The following GIGYF2 variants were observed in gnomAD, a reference collection of about 807,000 sequenced individuals.
The protein encoded by GIGYF2 is GRB10-interacting GYF protein 2.
Under a neutral mutation model 208.1 loss-of-function variants are expected in GIGYF2, and 25 were observed. The ratio of observed to expected loss-of-function variants is 0.12; its 90% CI spans 0.09 to 0.17. The LOEUF (loss-of-function observed/expected upper bound fraction) is 0.17, where lower values mean the gene tolerates loss of function less well. Among genes scored for constraint, GIGYF2 ranks in the 10% least tolerant of loss-of-function variants. The pLI, the probability that GIGYF2 is intolerant of heterozygous loss-of-function variation, is 1.00. For synonymous variants in GIGYF2, 534 were observed against 543.8 expected (o/e 0.98, Z 0.25); for missense variants, 1,302 against 1,579.4 (o/e 0.82, Z 2.98).
At chr2:232,723,974 T>TA (rs1697068910) in intron 2 of GIGYF2, among the ~76,000 whole-genome samples, 3 of 150,972 alleles carry the variant, frequency 2.0e-5, no homozygotes, top group Middle Eastern at 6.8e-3. Flanking sequence ...CCTCAGGTGA[T>TA]ACGCCTGCCT....
chr2:232,783,670 A>C (rs1348365027), intron 8 of GIGYF2, among the ~76,000 whole-genome samples: 2 of 146,220 alleles, frequency 1.4e-5, no homozygotes, highest in Non-Finnish European at 3.0e-5. Flanking sequence ...TTGTTTACTA[A>C]GTCAGATCTA....
At chr2:232,699,078 TG>T (rs1203922096) in intron 1 of GIGYF2, among the ~76,000 whole-genome samples, 2 of 151,962 alleles carry the variant, frequency 1.3e-5, no homozygotes, top group East Asian at 3.9e-4. Flanking sequence ...AAGAAAAAAA[TG>T]AGTCAGGGAG....
intron 8 of GIGYF2, among the ~76,000 whole-genome samples, chr2:232,781,920 T>C (rs1274492891): frequency 3.3e-5 from 5 of 152,240 alleles, no homozygotes; most frequent in African/African-American, 1.2e-4. Context: ...GGTATCCCTA[T>C]CCTTGCAGAA....
Position 232,730,077 on chromosome 2 carries a change from G to A in GIGYF2, c.-43-5078G>A, listed in dbSNP as rs1697391657. The A allele has an allele frequency of 1.9e-5, 21 of 1,133,774 alleles. No individual in the cohort carries two copies. The South Asian group carries it at 2.7e-4, about 14-fold the overall frequency. The allele number at this position is 1,133,774 out of a possible 1,614,324, so 70.2% of individuals were successfully genotyped here. A position where few individuals can be genotyped will look rare whatever the true frequency, so the allele number is the denominator to read the frequency against. On this transcript the variant is annotated intron_variant, in intron 2 of 28. Transcript: ENST00000373563. Reference sequence around the variant, plus strand: ...CAAGTCAGCAGGCGGTGGGCCAGATGCTGCTTCAAATACTGCCACATCTGC... The same window carrying A: ...CAAGTCAGCAGGCGGTGGGCCAGATACTGCTTCAAATACTGCCACATCTGC...
At chr2:232,826,478 G>A (rs947616671) in intron 21 of GIGYF2, among the ~76,000 whole-genome samples, 1 of 152,128 alleles carries the variant, frequency 6.6e-6, no homozygotes, top group Non-Finnish European at 1.5e-5. Context: ...TTTTTCATAT[G>A]TCTGTTGGCT....
In GIGYF2 at chr2:232,815,705, C is replaced by T. The variant is rs1280978814; in HGVS notation, c.2176C>T (p.Leu726Phe). ...GACACCAGGCCCTGCCCTGGAACAGCTTCAGCAGCTAGAGAAGGCCAAAGC... is the reference window on the plus strand; with the variant it reads ...GACACCAGGCCCTGCCCTGGAACAGTTTCAGCAGCTAGAGAAGGCCAAAGC... ...TTTPGPALEQ[L>F]QQLEKAKAAK... is the part of the protein sequence containing the mutation. The change falls in exon 19 of 29, where the codon CTT (leucine) becomes TTT (phenylalanine). Residue 726 changes from leucine to phenylalanine, a missense_variant. Coordinates refer to ENST00000373563, the MANE Select transcript of GIGYF2 (RefSeq NM_001103146.3). 10 of 1,605,210 alleles carry T rather than the reference C, an allele frequency of 6.2e-6. No homozygotes were observed. Among genetic ancestry groups the T allele is most frequent in the Non-Finnish European group, 7.7e-6 (9 of 1,171,966 alleles).
chr2:232,709,212 G>A (rs1344144778), intron 2 of GIGYF2, among the ~76,000 whole-genome samples: 1 of 152,208 alleles, frequency 6.6e-6, no homozygotes, highest in African/African-American at 2.4e-5. Flanking sequence ...AGTATGTCCT[G>A]TGGTTATTGT....
chr2:232,818,559 CATCT>C (rs1405717762), intron 20 of GIGYF2, among the ~76,000 whole-genome samples: 1 of 152,128 alleles, frequency 6.6e-6, no homozygotes, highest in African/African-American at 2.4e-5. Flanking sequence ...GTGTTTGTGG[CATCT>C]ATGTCAAAAA....
At chr2:232,757,773 C>A (rs1253206346) in intron 6 of GIGYF2, among the ~76,000 whole-genome samples, 3 of 135,972 alleles carry the variant, frequency 2.2e-5, no homozygotes, top group African/African-American at 5.5e-5. Flanking sequence ...AACAGCACCC[C>A]CCGCCCCCCG....
chr2:232,762,067 A>G (rs1698760812), intron 8 of GIGYF2, among the ~76,000 whole-genome samples: 1 of 151,498 alleles, frequency 6.6e-6, no homozygotes, highest in Non-Finnish European at 1.5e-5. Flanking sequence ...TAAAGGTACT[A>G]CCTTACAAAC....
intron 23 of GIGYF2, among the ~76,000 whole-genome samples, chr2:232,843,279 G>T (rs1279842848): frequency 6.6e-6 from 1 of 151,732 alleles, no homozygotes; most frequent in Non-Finnish European, 1.5e-5. Context: ...AGTAATTCTG[G>T]CCAGGCTCGG....
At position 232,791,245 on chromosome 2, in the gene GIGYF2, C is replaced by A; in HGVS notation, c.1094-13C>A. On this transcript the variant is annotated splice_polypyrimidine_tract_variant and intron_variant, in intron 11 of 28. Coordinates refer to ENST00000373563, the MANE Select transcript of GIGYF2 (RefSeq NM_001103146.3). ...ACTTTCGTAAGTTCAACTAAGATTACTTCGTGTTCCAGAAGCTAGTGAGGA... is the reference window on the plus strand; with the variant it reads ...ACTTTCGTAAGTTCAACTAAGATTAATTCGTGTTCCAGAAGCTAGTGAGGA... 6.2e-7 allele frequency: 1 copy of A among 1,614,014 alleles called. No individual in the cohort carries two copies.
At chr2:232,710,019 G>A (rs1458562570) in intron 2 of GIGYF2, among the ~76,000 whole-genome samples, 1 of 151,902 alleles carries the variant, frequency 6.6e-6, no homozygotes, top group African/African-American at 2.4e-5. Context: ...GAGTGCAGTG[G>A]CGTGATCTCA....
intron 21 of GIGYF2, among the ~76,000 whole-genome samples, chr2:232,820,316 CT>C (rs199677992): frequency 0.04 from 5,475 of 138,528 alleles, 248 homozygotes; most frequent in African/African-American, 0.12. Context: ...GCAATAATTT[CT>C]TTTTTTTTTT....
chr2:232,728,057 G>T lies in GIGYF2; in HGVS notation c.-43-7098G>T, dbSNP rs553356520. Among the ~76,000 whole-genome samples, 69 of 152,260 alleles carry T rather than the reference G, an allele frequency of 4.5e-4. 1 individual carries two copies. The highest frequency in any genetic ancestry group is 1.3e-3 in the African/African-American group (53 of 41,536). On this transcript the variant is annotated intron_variant, in intron 2 of 28. Coordinates refer to ENST00000373563, the MANE Select transcript of GIGYF2 (RefSeq NM_001103146.3). The stretch of plus-strand genomic sequence containing the variant: ...GAGGGAGCAGTGCTTTTACTACTTT[G>T]GGAACTATTTTATGGAGTAGGTGTT...
At chr2:232,706,782 AAAAT>A (rs576539249) in intron 2 of GIGYF2, among the ~76,000 whole-genome samples, 6 of 151,690 alleles carry the variant, frequency 4.0e-5, no homozygotes, top group Admixed American at 2.0e-4. Flanking sequence ...TCTGTCTCAA[AAAAT>A]AAATAAATAA....
intron 28 of GIGYF2, among the ~76,000 whole-genome samples, chr2:232,855,004 A>G (rs954020257): frequency 6.6e-6 from 1 of 151,668 alleles, no homozygotes; most frequent in East Asian, 1.9e-4. Flanking sequence ...ACCTCCAATT[A>G]TAGAAGTTTT....
intron 6 of GIGYF2, among the ~76,000 whole-genome samples, chr2:232,759,350 AC>A (rs1698661364): frequency 6.6e-6 from 1 of 151,508 alleles, no homozygotes; most frequent in Admixed American, 6.6e-5. Flanking sequence ...ACATCCTTGG[AC>A]CCCCACCCCT....
chr2:232,708,019 T>G (rs1359116953), intron 2 of GIGYF2, among the ~76,000 whole-genome samples: 1 of 152,060 alleles, frequency 6.6e-6, no homozygotes, highest in African/African-American at 2.4e-5. Context: ...TGCAGTGCAG[T>G]GGTGTAGTCA....
Sources: gnomAD v4.1 joint callset for allele counts (sites outside exome capture counted in the v4.1 genomes callset) on GRCh38, gnomAD v4.1.1 for gene constraint, MANE v1.5 for transcripts, NCBI Gene and HGNC (gene_info 2026-07-23, HGNC 2026-07-21) for gene names.